The following HHIPL1 variants were observed in gnomAD, a reference collection of about 807,000 sequenced individuals.
The protein encoded by HHIPL1 is HHIP like 1.
A neutral mutation model predicts 61.8 loss-of-function variants in HHIPL1; 43 were observed. The ratio of observed to expected loss-of-function variants is 0.70; its 90% confidence interval spans 0.55 to 0.90. The LOEUF (loss-of-function observed/expected upper bound fraction) is 0.90. Ranked by LOEUF, HHIPL1 falls within the 40% of genes least tolerant of loss-of-function variation. The pLI is 0.00. For missense variants in HHIPL1, 1,056 were observed against 1,157.7 expected (o/e 0.91, Z 1.28); for synonymous variants, 482 against 515.8 (o/e 0.93, Z 0.89).
chr14:99,639,956 C>T, the HHIPL1 span, among the ~76,000 whole-genome samples: 3 of 152,136 alleles, frequency 2.0e-5, no homozygotes, highest in African/African-American at 7.2e-5. Flanking sequence ...CACCATGCCC[C>T]GCCTAGGCCT....
At chr14:99,607,109 G>A in the HHIPL1 span, among the ~76,000 whole-genome samples, 3 of 129,910 alleles carry the variant, frequency 2.3e-5, no homozygotes, top group Non-Finnish European at 4.7e-5. Flanking sequence ...TCTTGGCTCA[G>A]TGCAGCCTCA....
chr14:99,659,748 C>A lies in HHIPL1; in HGVS notation c.1367C>A (p.Thr456Asn). Residue 456 changes from threonine to asparagine, a missense_variant, in exon 4 of 9, where the codon ACC becomes AAC. Transcript: ENST00000330710. ...ECYDRSLCANTSLNDLLPIFA... is the reference protein window; with the variant it reads ...ECYDRSLCANNSLNDLLPIFA... ...TACGACCGCAGCCTGTGCGCCAACACCTCTCTCAGTGAGTGCCCGCGCCCC... is the reference window on the plus strand; with the variant it reads ...TACGACCGCAGCCTGTGCGCCAACAACTCTCTCAGTGAGTGCCCGCGCCCC... 1 of 1,433,194 alleles carries A rather than the reference C, an allele frequency of 7.0e-7. No individual in the cohort carries two copies. The allele number at this position is 1,433,194 out of a possible 1,614,324, so 88.8% of individuals were successfully genotyped here.
chr14:99,608,296 G>A, the HHIPL1 span, among the ~76,000 whole-genome samples: 242 of 152,246 alleles, frequency 1.6e-3, no homozygotes, highest in African/African-American at 5.6e-3. Flanking sequence ...AATAATAATG[G>A]CAATGACAAT....
chr14:99,661,925 C>A lies in HHIPL1; in HGVS notation c.1503-951C>A, dbSNP rs142988703. Among the ~76,000 whole-genome samples, 185 of 152,264 alleles carry A rather than the reference C, an allele frequency of 1.2e-3. 1 individual carries two copies. The highest frequency in any genetic ancestry group is 2.0e-3 in the Non-Finnish European group (135 of 68,026). On this transcript the variant is annotated intron_variant, in intron 5 of 8. Coordinates refer to ENST00000330710, the MANE Select transcript of HHIPL1 (RefSeq NM_001127258.3). ...AGCTGAGAGAGATACCTGACCTGGGCCCCTGGAAGTTGGATTCCTCTCCCA... is the reference window on the plus strand; with the variant it reads ...AGCTGAGAGAGATACCTGACCTGGGACCCTGGAAGTTGGATTCCTCTCCCA...
the HHIPL1 span, among the ~76,000 whole-genome samples, chr14:99,634,375 A>G: frequency 6.6e-6 from 1 of 152,146 alleles, no homozygotes; most frequent in African/African-American, 2.4e-5. Flanking sequence ...TTAGTTGTAG[A>G]GCTAGAAGTG....
the HHIPL1 span, among the ~76,000 whole-genome samples, chr14:99,636,730 G>A: frequency 6.6e-6 from 1 of 152,042 alleles, no homozygotes; most frequent in African/African-American, 2.4e-5. Flanking sequence ...GTGCATGCAT[G>A]TAATGTCAGC....
intron 7 of HHIPL1, chr14:99,669,369 C>G: frequency 2.0e-6 from 2 of 991,028 alleles, no homozygotes; most frequent in Non-Finnish European, 2.4e-6. Context: ...ACAGCTTGTA[C>G]TTGTCTCTAA....
At chr14:99,669,604 G>T (rs1363025872) in intron 7 of HHIPL1, among the ~76,000 whole-genome samples, 4 of 152,150 alleles carry the variant, frequency 2.6e-5, no homozygotes, top group Admixed American at 1.3e-4. Context: ...TTTACAAAAA[G>T]AAAAATTCTA....
At chr14:99,638,827 G>A in the HHIPL1 span, among the ~76,000 whole-genome samples, 2 of 152,142 alleles carry the variant, frequency 1.3e-5, no homozygotes, top group Non-Finnish European at 2.9e-5. Flanking sequence ...AGGCACCTTC[G>A]GCCCAAAGGA....
intron 7 of HHIPL1, among the ~76,000 whole-genome samples, chr14:99,671,939 C>T (rs180954985): frequency 2.3e-4 from 35 of 152,250 alleles, no homozygotes; most frequent in Middle Eastern, 3.4e-3. Flanking sequence ...GGGTGGCGGG[C>T]AGGAATCAGG....
intron 1 of HHIPL1, among the ~76,000 whole-genome samples, chr14:99,649,551 C>T (rs1013125758): frequency 5.3e-5 from 8 of 152,092 alleles, no homozygotes; most frequent in Non-Finnish European, 8.8e-5. Context: ...AGAACTTTGG[C>T]GGGCCAAGGC....
chr14:99,680,226 A>G lies in HHIPL1; in HGVS notation c.*4600A>G, dbSNP rs890760791. The G allele has an allele frequency of 2.0e-5, 3 of 149,342 alleles. No homozygotes were observed. The highest frequency in any genetic ancestry group is 7.4e-5 in the African/African-American group (3 of 40,650). The allele number at this position is 149,342 out of a possible 1,614,324, so 9.3% of individuals were successfully genotyped here. ...CAGGCCACCCATGTAAAGGCAGCCAATTCAGAGCCACCTCTTATGCCTGCA... is the reference window on the plus strand; with the variant it reads ...CAGGCCACCCATGTAAAGGCAGCCAGTTCAGAGCCACCTCTTATGCCTGCA... On this transcript the variant is annotated 3_prime_UTR_variant, in exon 9 of 9. Transcript: ENST00000330710.
At chr14:99,607,654 C>T in the HHIPL1 span, among the ~76,000 whole-genome samples, 7 of 152,040 alleles carry the variant, frequency 4.6e-5, no homozygotes, top group African/African-American at 7.2e-5. Context: ...CCCTCACTTT[C>T]AGGGGGAATG....
chr14:99,675,202 C>T lies in HHIPL1; in HGVS notation c.1925C>T (p.Ala642Val), dbSNP rs1357034507. Residue 642 changes from alanine (A) to valine (V), a missense_variant, in exon 9 of 9, where the codon GCG (alanine) becomes GTG (valine). Coordinates refer to ENST00000330710, the MANE Select transcript of HHIPL1 (RefSeq NM_001127258.3). The surrounding 1 kb of genome is among the most constrained non-coding windows in gnomAD (Gnocchi z 5.4). ...CCCCCCGCGCCAACCCCGCGGCCAGCGCGGCCCACCCAGCAGCCAGGGAGC... is the reference window on the plus strand; with the variant it reads ...CCCCCCGCGCCAACCCCGCGGCCAGTGCGGCCCACCCAGCAGCCAGGGAGC... The part of the protein sequence containing the change: ...AAPPAPTPRP[A>V]RPTQQPGSRR... 2 of 1,160,366 alleles carry T rather than the reference C, an allele frequency of 1.7e-6. No individual in the cohort carries two copies. The highest frequency in any genetic ancestry group is 4.3e-5 in the East Asian group (1 of 23,518). The allele number at this position is 1,160,366 out of a possible 1,614,324, so 71.9% of individuals were successfully genotyped here.
At chr14:99,629,658 C>T in the HHIPL1 span, among the ~76,000 whole-genome samples, 1 of 48,586 alleles carries the variant, frequency 2.1e-5, no homozygotes, top group South Asian at 1.4e-3. Flanking sequence ...CCACCACGCC[C>T]GGCTAATTTT....
At chr14:99,621,709 C>CTTTTTTT in the HHIPL1 span, among the ~76,000 whole-genome samples, 4,133 of 84,316 alleles carry the variant, frequency 0.049, 29 homozygotes, top group Non-Finnish European at 0.065. Flanking sequence ...CTTTTCTTTT[C>CTTTTTTT]TTTTTTTTTT....
At chr14:99,624,510 C>G in the HHIPL1 span, among the ~76,000 whole-genome samples, 19 of 152,324 alleles carry the variant, frequency 1.2e-4, no homozygotes. Flanking sequence ...AGCCCCAGCT[C>G]CCAACCTAGG....
intron 6 of HHIPL1, among the ~76,000 whole-genome samples, chr14:99,663,568 G>A (rs1010368184): frequency 2.6e-5 from 4 of 152,036 alleles, no homozygotes; most frequent in South Asian, 4.2e-4. Flanking sequence ...ATTTTGTGCC[G>A]GCCTCCTATC....
At chr14:99,673,014 T>G (rs2056342090) in intron 8 of HHIPL1, among the ~76,000 whole-genome samples, 10 of 152,224 alleles carry the variant, frequency 6.6e-5, no homozygotes, top group Admixed American at 6.5e-4. Flanking sequence ...ACTGCAGTCC[T>G]CGCCTTCTCA....
Sources: allele counts gnomAD v4.1 joint callset (sites outside exome capture counted in the v4.1 genomes callset), GRCh38; gene constraint gnomAD v4.1.1; non-coding constraint Gnocchi (gnomAD v3.1); transcripts MANE v1.5; gene names NCBI Gene and HGNC (gene_info 2026-07-23, HGNC 2026-07-21).